The following ADAMTS6 variants were observed in gnomAD, a reference collection of about 807,000 sequenced individuals.
ADAMTS6 encodes A disintegrin and metalloproteinase with thrombospondin motifs 6.
A neutral mutation model predicts 144.3 loss-of-function variants in ADAMTS6; 23 were observed. That is an observed-to-expected ratio of 0.16 (90% confidence interval 0.11 to 0.23). The LOEUF is 0.23. ADAMTS6 is among the 10% of genes least tolerant of loss of function. ADAMTS6 has a pLI of 1.00. For missense variants in ADAMTS6, 999 were observed against 1,379.6 expected, an observed-to-expected ratio of 0.72 and a Z score of 4.37; for synonymous variants, 444 against 457.5, an observed-to-expected ratio of 0.97 and a Z score of 0.38.
intron 6 of ADAMTS6, 75 bp from the exon 7 acceptor site, chr5:65,451,695 A>T (rs1758754283): frequency 6.6e-7 from 1 of 1,524,364 alleles, no homozygotes; most frequent in Non-Finnish European, 9.0e-7. Context: ...TTGAAGACTG[A>T]AGTGGGACTA....
At chr5:65,224,893 G>A (rs1208553287) in intron 17 of ADAMTS6, 31 bp downstream of exon 17, 6 of 1,591,704 alleles carry the variant, frequency 3.8e-6, no homozygotes, top group South Asian at 3.5e-5. Context: ...TACACCAGAG[G>A]TGTGAGGAAG....
At chr5:65,437,758 CCT>C (rs1347583294) in intron 7 of ADAMTS6, among the ~76,000 whole-genome samples, 1 of 152,034 alleles carries the variant, frequency 6.6e-6, no homozygotes, top group African/African-American at 2.4e-5. Context: ...ACCTATAATA[CCT>C]AGTATAGTGT....
At chr5:65,363,271 T>C (rs1460364884) in intron 7 of ADAMTS6, among the ~76,000 whole-genome samples, 2 of 152,192 alleles carry the variant, frequency 1.3e-5, no homozygotes, top group Non-Finnish European at 2.9e-5. Flanking sequence ...ATAAGCTGCT[T>C]CAAATATGGT....
At chr5:65,461,468 TATCTACATC>T (rs1223468759) in intron 3 of ADAMTS6, among the ~76,000 whole-genome samples, 2 of 152,256 alleles carry the variant, frequency 1.3e-5, no homozygotes, top group Admixed American at 1.3e-4. Flanking sequence ...TGGTAAAAGT[TATCTACATC>T]TGAAATAAGA....
chr5:65,397,543 C>A (rs956536671), intron 7 of ADAMTS6, among the ~76,000 whole-genome samples: 1 of 151,862 alleles, frequency 6.6e-6, no homozygotes, highest in African/African-American at 2.4e-5. Flanking sequence ...TTTTTAATTT[C>A]TCTTCAGATT....
chr5:65,323,006 G>A (rs1420346781), intron 9 of ADAMTS6, among the ~76,000 whole-genome samples: 3 of 152,078 alleles, frequency 2.0e-5, no homozygotes, highest in East Asian at 3.9e-4. Context: ...GTATAATGTT[G>A]ATTGTGACTT....
chr5:65,407,029 A>C (rs1013580279), intron 7 of ADAMTS6, among the ~76,000 whole-genome samples: 1 of 152,158 alleles, frequency 6.6e-6, no homozygotes, highest in Non-Finnish European at 1.5e-5. Context: ...TGAAAGTGAC[A>C]GGGAGAATGG....
chr5:65,360,893 AT>A (rs1008335369), intron 7 of ADAMTS6, among the ~76,000 whole-genome samples: 2 of 152,272 alleles, frequency 1.3e-5, no homozygotes, highest in African/African-American at 2.4e-5. Context: ...CTTTTTACCA[AT>A]TTTTTTAATA....
intron 15 of ADAMTS6, among the ~76,000 whole-genome samples, chr5:65,239,772 A>T (rs1288703154): frequency 6.6e-6 from 1 of 152,202 alleles, no homozygotes; most frequent in Non-Finnish European, 1.5e-5. Context: ...CGTGCTTAAC[A>T]TTATCATGAG....
chr5:65,307,130 G>A lies in ADAMTS6; in HGVS notation c.1224-6999C>T, dbSNP rs140536000. On this transcript the variant is annotated intron_variant, in intron 9 of 24. Transcript: ENST00000381055. ...TACTTCCATATTATCTTCTGAAATCGTTAATAGTTTGATTTCCACATTTAA... is the reference window on the plus strand; with the variant it reads ...TACTTCCATATTATCTTCTGAAATCATTAATAGTTTGATTTCCACATTTAA... Among the ~76,000 whole-genome samples, 625 of 152,122 alleles carry A rather than the reference G, an allele frequency of 4.1e-3. 2 individuals carry two copies. The highest frequency in any genetic ancestry group is 0.013 in the African/African-American group (553 of 41,510).
chr5:65,341,435 A>G (rs1747813164), intron 7 of ADAMTS6, among the ~76,000 whole-genome samples: 1 of 151,874 alleles, frequency 6.6e-6, no homozygotes, highest in Non-Finnish European at 1.5e-5. Context: ...AGATAACGAA[A>G]ACTGACAAGC....
chr5:65,348,609 G>A (rs1381335765), intron 7 of ADAMTS6, among the ~76,000 whole-genome samples: 1 of 152,086 alleles, frequency 6.6e-6, no homozygotes, highest in Admixed American at 6.6e-5. Flanking sequence ...AGTTAAGAAT[G>A]TAATGTATAT....
intron 3 of ADAMTS6, among the ~76,000 whole-genome samples, chr5:65,469,777 C>T (rs1010489955): frequency 6.6e-6 from 1 of 152,144 alleles, no homozygotes; most frequent in Non-Finnish European, 1.5e-5. Flanking sequence ...TTAAACCCAA[C>T]TCGAATTATA....
At chr5:65,269,770 T>C (rs1171084828) in intron 12 of ADAMTS6, among the ~76,000 whole-genome samples, 1 of 151,668 alleles carries the variant, frequency 6.6e-6, no homozygotes, top group Non-Finnish European at 1.5e-5. Flanking sequence ...TAGCAACATG[T>C]GATGGGCATA....
In ADAMTS6 at chr5:65,334,038, T is replaced by G. The variant is rs747619641; in HGVS notation, c.1117+4A>C. On this transcript the variant is annotated splice_donor_region_variant and intron_variant, in intron 8 of 24. Coordinates refer to ENST00000381055, the MANE Select transcript of ADAMTS6 (RefSeq NM_197941.4). ...AAAAAAAAAAAAAACCAAAAAAAAC[T>G]TACCCAGTGTTCCACAGGGCTTATT... is the stretch of plus-strand genomic sequence containing the variant. 1.1e-6 allele frequency: 1 copy of G among 909,656 alleles called. No individual in the cohort carries two copies. Among genetic ancestry groups the G allele is most frequent in the Non-Finnish European group, 1.5e-6 (1 of 660,958 alleles). 56.3% of individuals were successfully genotyped at this position (909,656 alleles called of 1,614,324 possible).
rs1554071666 is a variant in ADAMTS6, at chr5:65,332,330, G to GAGAGAC, written c.1117+1711_1117+1712insGTCTCT. 2.1e-3 allele frequency among the ~76,000 whole-genome samples: 316 copies of GAGAGAC among 148,914 alleles called. 1 individual carries two copies. The highest frequency in any genetic ancestry group is 7.4e-3 in the African/African-American group (301 of 40,596). On this transcript the variant is annotated intron_variant, in intron 8 of 24. Coordinates refer to ENST00000381055, the MANE Select transcript of ADAMTS6 (RefSeq NM_197941.4). ...ATATATATAGAGAGAGAGAGAGAGA[G>GAGAGAC]AGAGAGAGAGTGTATATGTGCAAAT... is the stretch of plus-strand genomic sequence containing the variant.
At chr5:65,359,807 G>A (rs1749663442) in intron 7 of ADAMTS6, among the ~76,000 whole-genome samples, 1 of 151,902 alleles carries the variant, frequency 6.6e-6, no homozygotes, top group African/African-American at 2.4e-5. Flanking sequence ...AAAAAAAAGT[G>A]AAACTCACAG....
At position 65,414,412 on chromosome 5, in the gene ADAMTS6, C is replaced by T. The variant is rs940541632; in HGVS notation, c.1073+37063G>A. On this transcript the variant is annotated intron_variant, in intron 7 of 24. Coordinates refer to ENST00000381055, the MANE Select transcript of ADAMTS6 (RefSeq NM_197941.4). ...TGTCTTATTCCATTTAATTTTCAGA[C>T]TCAGCTGGGAACTCTAAGAAGGTCA... Among the ~76,000 whole-genome samples, 10 of 152,080 alleles carry T rather than the reference C, an allele frequency of 6.6e-5. No homozygotes were observed. The South Asian group carries it at 2.1e-3, about 31-fold the overall frequency.
chr5:65,454,123 G>C (rs990023177), intron 4 of ADAMTS6, among the ~76,000 whole-genome samples: 1 of 152,138 alleles, frequency 6.6e-6, no homozygotes, highest in African/African-American at 2.4e-5. Context: ...TCCTCTCTCT[G>C]TTGTGTGCAC....
Sources: gnomAD v4.1 joint callset for allele counts (sites outside exome capture counted in the v4.1 genomes callset) on GRCh38, gnomAD v4.1.1 for gene constraint, MANE v1.5 for transcripts, NCBI Gene and HGNC (gene_info 2026-07-23, HGNC 2026-07-21) for gene names.